The following DLGAP2 variants were observed in gnomAD, a reference collection of about 807,000 sequenced individuals.
DLGAP2 encodes disks large-associated protein 2.
A neutral mutation model predicts 100.3 loss-of-function variants in DLGAP2; 26 were observed. The ratio of observed to expected loss-of-function variants is 0.26; its 90% CI spans 0.19 to 0.36. The LOEUF (loss-of-function observed/expected upper bound fraction) is 0.36. Ranked by LOEUF, DLGAP2 falls within the 10% of genes least tolerant of loss-of-function variation. The probability of loss-of-function intolerance (pLI) is 1.00; values close to 1 mark genes in which losing one functional copy is unlikely to be tolerated. For missense variants in DLGAP2, 1,858 were observed against 1,453.2 expected, an observed-to-expected ratio of 1.28 and a Z score of -4.53; for synonymous variants, 886 against 630.1, an observed-to-expected ratio of 1.41 and a Z score of -6.08.
chr8:1,296,263 A>G (rs1800170845), intron 3 of DLGAP2: 1 of 150,650 alleles, frequency 6.6e-6, no homozygotes, highest in Non-Finnish European at 1.5e-5. Context: ...TTGAATAGAT[A>G]TGACCCTTGT....
intron 2 of DLGAP2, among the ~76,000 whole-genome samples, chr8:928,353 G>C (rs1024606857): frequency 6.6e-6 from 1 of 152,242 alleles, no homozygotes; most frequent in African/African-American, 2.4e-5. Context: ...TTCACTAGGT[G>C]TCCTGGTCGG....
chr8:943,402 C>T (rs1274635844), intron 2 of DLGAP2, among the ~76,000 whole-genome samples: 2 of 152,236 alleles, frequency 1.3e-5, no homozygotes, highest in Non-Finnish European at 2.9e-5. Flanking sequence ...TGACTGGCCA[C>T]GTTTCATATG....
Position 1,202,766 on chromosome 8 carries a change from A to G in DLGAP2, c.74-56085A>G, listed in dbSNP as rs76818179. The stretch of plus-strand genomic sequence containing the variant: ...TGTGTGAGATCCAGAGGCCTCAGGC[A>G]TTCACCTTGAATCCACCCAAATGAC... On this transcript the variant is annotated intron_variant, in intron 2 of 14. Coordinates refer to ENST00000637795, the MANE Select transcript of DLGAP2 (RefSeq NM_001346810.2). Among the ~76,000 whole-genome samples the G allele has an allele frequency of 4.0e-3, 605 of 152,240 alleles. 4 individuals are homozygous for G. Among genetic ancestry groups the G allele is most frequent in the African/African-American group, 0.014 (572 of 41,550 alleles).
chr8:1,610,683 A>G (rs1370573250), intron 6 of DLGAP2, among the ~76,000 whole-genome samples: 33 of 135,328 alleles, frequency 2.4e-4, no homozygotes, highest in East Asian at 2.1e-3. Flanking sequence ...TCAAATAGAC[A>G]CAATAAAAAA....
chr8:1,589,281 T>G (rs1584961117), intron 6 of DLGAP2, among the ~76,000 whole-genome samples: 1 of 152,386 alleles, frequency 6.6e-6, no homozygotes, highest in Middle Eastern at 3.4e-3. Context: ...ACACTGCATT[T>G]AAAAACAAAT....
At chr8:1,372,249 C>T (rs925886331) in intron 3 of DLGAP2, among the ~76,000 whole-genome samples, 8 of 151,832 alleles carry the variant, frequency 5.3e-5, no homozygotes, top group East Asian at 1.9e-4. Flanking sequence ...AACGCTGGGA[C>T]GCTGGTCACC....
chr8:1,627,519 T>C (rs1797536189), intron 7 of DLGAP2, among the ~76,000 whole-genome samples: 1 of 152,254 alleles, frequency 6.6e-6, no homozygotes, highest in African/African-American at 2.4e-5. Flanking sequence ...GCAAGTGTCC[T>C]TCAGTCTAAT....
Position 1,052,600 on chromosome 8 carries a change from C to T in DLGAP2, c.73+144634C>T, listed in dbSNP as rs550459626. Among the ~76,000 whole-genome samples the T allele has an allele frequency of 2.0e-5, 3 of 152,184 alleles. 1 individual carries two copies. In the South Asian group the frequency reaches 6.2e-4, roughly 32 times the overall value. On this transcript the variant is annotated intron_variant, in intron 2 of 14. Transcript: ENST00000637795. ...AAGAGGTGGCATTTAGCTTTGGCCTCGAAAGATGGCTGGGGGATCATTAGC... is the reference window on the plus strand; with the variant it reads ...AAGAGGTGGCATTTAGCTTTGGCCTTGAAAGATGGCTGGGGGATCATTAGC...
At chr8:1,091,426 T>C (rs1333146495) in intron 2 of DLGAP2, among the ~76,000 whole-genome samples, 2 of 152,250 alleles carry the variant, frequency 1.3e-5, no homozygotes, top group African/African-American at 4.8e-5. Context: ...AGTAAGACGC[T>C]AACTATTAAA....
At chr8:1,520,548 A>G (rs1800558892) in intron 4 of DLGAP2, among the ~76,000 whole-genome samples, 1 of 152,132 alleles carries the variant, frequency 6.6e-6, no homozygotes. Flanking sequence ...CACACAGAGC[A>G]GTTTCCTTGC....
intron 3 of DLGAP2, among the ~76,000 whole-genome samples, chr8:1,491,399 G>A (rs55721642): frequency 0.04 from 6,045 of 151,842 alleles, 420 homozygotes; most frequent in African/African-American, 0.14. Context: ...CCCTGACCTC[G>A]GAGGCTTCCG....
chr8:1,480,227 G>A (rs559400267), intron 3 of DLGAP2, among the ~76,000 whole-genome samples: 1 of 152,254 alleles, frequency 6.6e-6, no homozygotes, highest in South Asian at 2.1e-4. Context: ...CTAGATGTAG[G>A]TTTTCAGTCT....
chr8:1,244,417 A>G (rs1187112928), intron 2 of DLGAP2, among the ~76,000 whole-genome samples: 1 of 152,210 alleles, frequency 6.6e-6, no homozygotes, highest in Non-Finnish European at 1.5e-5. Context: ...AAGGCAAAAT[A>G]TTGTGTTATA....
At chr8:894,061 C>T (rs959583782) in intron 1 of DLGAP2, among the ~76,000 whole-genome samples, 18 of 152,302 alleles carry the variant, frequency 1.2e-4, no homozygotes, top group Non-Finnish European at 1.3e-4. Flanking sequence ...GGGCTTCTTC[C>T]CCTCGTGCGT....
Position 942,404 on chromosome 8 carries a change from C to A in DLGAP2, c.73+34438C>A, listed in dbSNP as rs564613466. ...AATGTTGGGGTCTTTCTCCTCCCAC[C>A]TGGAGGAGAGAACAGAAAACCAGAG... On this transcript the variant is annotated intron_variant, in intron 2 of 14. Transcript: ENST00000637795. 1.2e-4 allele frequency among the ~76,000 whole-genome samples: 19 copies of A among 152,360 alleles called. No individual in the cohort carries two copies. In the East Asian group the frequency reaches 3.7e-3, roughly 29 times the overall value.
rs527539823 is a variant in DLGAP2 at position 747,218 on chromosome 8, CA to C, written c.18+9395del. ...CTCTTCTGAGTTTGTGTACTACCCACAACGCGTCATACTTCTGAGTCTTACG... is the reference window on the plus strand; with the variant it reads ...CTCTTCTGAGTTTGTGTACTACCCACACGCGTCATACTTCTGAGTCTTACG... On this transcript the variant is annotated intron_variant, in intron 1 of 14. Transcript: ENST00000637795. Among the ~76,000 whole-genome samples the C allele has an allele frequency of 3.1e-3, 469 of 152,206 alleles. 3 individuals are homozygous for C. The highest frequency in any genetic ancestry group is 0.02 in the Middle Eastern group (6 of 294).
intron 8 of DLGAP2, among the ~76,000 whole-genome samples, chr8:1,659,308 GGGA>G (rs1798356558): frequency 1.7e-5 from 1 of 57,506 alleles, no homozygotes; most frequent in Admixed American, 1.6e-4. Flanking sequence ...TGAGAAGAAT[GGGA>G]TATTCTGCTG....
chr8:784,589 A>T (rs1821787365), intron 1 of DLGAP2, among the ~76,000 whole-genome samples: 1 of 152,236 alleles, frequency 6.6e-6, no homozygotes, highest in Non-Finnish European at 1.5e-5. Context: ...TACAGTTGAT[A>T]TGTTTAAAAG....
chr8:1,678,401 C>G lies in DLGAP2; in HGVS notation c.2476C>G (p.Leu826Val), dbSNP rs888206072. 8 of 1,613,776 alleles carry G rather than the reference C, an allele frequency of 5.0e-6. No individual in the cohort carries two copies. The highest frequency in any genetic ancestry group is 6.8e-6 in the Non-Finnish European group (8 of 1,179,828). ...GGTGAGAACTGTACGGACCCAGGGGCTCTTCAGCTATAGAGAAGACTATCG... is the reference window on the plus strand; with the variant it reads ...GGTGAGAACTGTACGGACCCAGGGGGTCTTCAGCTATAGAGAAGACTATCG... ...SAVRTVRTQG[L>V]FSYREDYRTQ... The change falls in exon 12 of 15, where the codon CTC becomes GTC. Residue 826 changes from leucine (L) to valine (V), a missense_variant. Leu to Val is a conservative substitution (Grantham distance 32, BLOSUM62 1). Coordinates refer to ENST00000637795, the MANE Select transcript of DLGAP2 (RefSeq NM_001346810.2).
Sources: allele counts gnomAD v4.1 joint callset (sites outside exome capture counted in the v4.1 genomes callset), GRCh38; gene constraint gnomAD v4.1.1; transcripts MANE v1.5; gene names NCBI Gene and HGNC (gene_info 2026-07-23, HGNC 2026-07-21).